Variants in CRYBG3 observed in about 807,000 individuals in gnomAD.
The protein encoded by CRYBG3 is very large A-kinase anchor protein.
In CRYBG3, 127 loss-of-function variants were observed where a neutral mutation model predicts 244.2. The observed-to-expected ratio is 0.52, with a 90% CI of 0.45 to 0.60. CRYBG3 has a LOEUF of 0.60. CRYBG3 is among the 20% of genes least tolerant of loss of function. The probability of loss-of-function intolerance (pLI) is 0.00; values close to 1 mark genes in which losing one functional copy is unlikely to be tolerated. For synonymous variants in CRYBG3, 1,132 were observed against 1,195.8 expected (o/e 0.95, Z 1.10); for missense variants, 3,325 against 3,442.5 (o/e 0.97, Z 0.85).
In CRYBG3 at chr3:97,873,576, G is replaced by A. The variant is rs1326316624; in HGVS notation, c.2382G>A (p.Met794Ile). 2.0e-5 allele frequency: 31 copies of A among 1,535,294 alleles called. No homozygotes were observed. Among genetic ancestry groups the A allele is most frequent in the Non-Finnish European group, 2.4e-5 (28 of 1,146,650 alleles). ...ELVSSNTKAN[M>I]SIIEKSDSLS... ...TGTCTTCAAACACTAAAGCAAATAT[G>A]AGCATAATAGAGAAGTCTGATTCTC... is the stretch of plus-strand genomic sequence containing the variant. The change falls in exon 4 of 22, where the codon ATG becomes ATA. Residue 794 changes from methionine to isoleucine, a missense_variant. Met to Ile is a conservative substitution (Grantham distance 10). Transcript: ENST00000389622.
In CRYBG3 at chr3:97,830,123, C is replaced by A. The variant is rs2038635415; in HGVS notation, c.149+7768C>A. On this transcript the variant is annotated intron_variant, in intron 1 of 21. Transcript: ENST00000389622. ...GAAGATTAAATAAACCTGTAGATTT[C>A]TATGAATATTTAGCTGTTGTTTTCT... 1.3e-5 allele frequency among the ~76,000 whole-genome samples: 2 copies of A among 152,132 alleles called. 1 individual carries two copies. Among genetic ancestry groups the A allele is most frequent in the Admixed American group, 1.3e-4 (2 of 15,276 alleles).
At chr3:97,942,470 G>A (rs775068378) in intron 21 of CRYBG3, 27 bp downstream of exon 21, 3 of 1,581,610 alleles carry the variant, frequency 1.9e-6, no homozygotes, top group Non-Finnish European at 2.6e-6. Flanking sequence ...ACCCAATGTT[G>A]TGTCCCTGGA....
At chr3:97,904,782 C>CAA (rs2039748262) in intron 15 of CRYBG3, among the ~76,000 whole-genome samples, 1 of 147,312 alleles carries the variant, frequency 6.8e-6, no homozygotes, top group Non-Finnish European at 1.5e-5. Context: ...TACATGTGCA[C>CAA]CTTGTGCAGG....
intron 17 of CRYBG3, among the ~76,000 whole-genome samples, chr3:97,922,297 A>C (rs960591398): frequency 6.6e-6 from 1 of 152,228 alleles, no homozygotes; most frequent in African/African-American, 2.4e-5. Flanking sequence ...TCATGACTAA[A>C]ACACCAAAAG....
At chr3:97,882,910 A>G (rs1419463428) in intron 7 of CRYBG3, among the ~76,000 whole-genome samples, 2 of 152,216 alleles carry the variant, frequency 1.3e-5, no homozygotes, top group African/African-American at 2.4e-5. Flanking sequence ...TTGAGCCAAT[A>G]CTGTGGTGTG....
Position 97,873,163 on chromosome 3 carries a change from C to T in CRYBG3, c.1969C>T (p.Pro657Ser). Residue 657 changes from proline to serine, a missense_variant, in exon 4 of 22, where the codon CCT becomes TCT. This residue lies in a region of CRYBG3 where 1,526 missense variants were observed against 1,443.2 expected (regional missense o/e 1.06). Transcript: ENST00000389622. ...AAAACTAAATTTCAGTATTTCACCT[C>T]CTACCTTTGTTTCTGGAGTTGGGAT... ...CKKLNFSISP[P>S]TFVSGVGMLS... The T allele has an allele frequency of 5.2e-6, 8 of 1,535,870 alleles. No individual in the cohort carries two copies. The highest frequency in any genetic ancestry group is 7.0e-6 in the Non-Finnish European group (8 of 1,146,772).
chr3:97,895,875 T>G, intron 11 of CRYBG3, 84 bp from the exon 12 acceptor site: 456 of 1,273,214 alleles, frequency 3.6e-4, no homozygotes, highest in Non-Finnish European at 4.7e-4. Context: ...TGAACCACTA[T>G]GAGCTTTATC....
At chr3:97,850,529 A>G (rs1294612629) in intron 2 of CRYBG3, among the ~76,000 whole-genome samples, 2 of 152,218 alleles carry the variant, frequency 1.3e-5, no homozygotes, top group African/African-American at 4.8e-5. Context: ...AGAACTGATC[A>G]TAACACTGAT....
chr3:97,875,509 A>G lies in CRYBG3; in HGVS notation c.4315A>G (p.Arg1439Gly), dbSNP rs2039360569. Residue 1439 changes from arginine (R) to glycine (G), a missense_variant, in exon 4 of 22, where the codon AGG becomes GGG. Coordinates refer to ENST00000389622, the MANE Select transcript of CRYBG3 (RefSeq NM_153605.4). ...EDMSHKRLDD[R>G]VKTHLFRSED... ...CATGTCACATAAACGGTTAGATGAT[A>G]GGGTAAAAACACATTTATTTCGCAG... is the stretch of plus-strand genomic sequence containing the variant. 7 of 1,282,974 alleles carry G rather than the reference A, an allele frequency of 5.5e-6. No homozygotes were observed. Among genetic ancestry groups the G allele is most frequent in the Non-Finnish European group, 4.9e-6 (5 of 1,020,604 alleles). The allele number at this position is 1,282,974 out of a possible 1,614,324, so 79.5% of individuals were successfully genotyped here.
rs192200322 is a variant in CRYBG3 at position 97,880,121 on chromosome 3, T to C, written c.7004+21T>C. On this transcript the variant is annotated intron_variant, in intron 6 of 21. Coordinates refer to ENST00000389622, the MANE Select transcript of CRYBG3 (RefSeq NM_153605.4). ...GGCTGGTAAGAAGTTTCTTAAAATT[T>C]TATAGCATATTTTCTTAAATTAAAT... 5.9e-4 allele frequency: 727 copies of C among 1,237,692 alleles called. 11 individuals carry two copies. In the East Asian group the frequency reaches 0.013, roughly 22 times the overall value. 76.7% of individuals were successfully genotyped at this position (1,237,692 alleles called of 1,614,324 possible).
intron 7 of CRYBG3, among the ~76,000 whole-genome samples, chr3:97,886,311 A>G (rs1026353969): frequency 3.9e-5 from 6 of 152,192 alleles, no homozygotes; most frequent in Non-Finnish European, 7.3e-5. Context: ...TGGCACTCAA[A>G]TAGTTTGGTA....
chr3:97,927,964 C>A (rs1302938497), intron 17 of CRYBG3, among the ~76,000 whole-genome samples: 1 of 151,978 alleles, frequency 6.6e-6, no homozygotes, highest in Non-Finnish European at 1.5e-5. Context: ...TAGGAATGTG[C>A]ATTAGTTCAT....
rs831888 is a variant in CRYBG3 at position 97,909,870 on chromosome 3, T to C, written c.8005-2297T>C. The stretch of plus-strand genomic sequence containing the variant: ...TTTTCTGTTCTGTTTTTTCCCCATC[T>C]TTGTGGTTTTATCTACTTTTGGTCT... On this transcript the variant is annotated intron_variant, in intron 15 of 21. Transcript: ENST00000389622. Among the ~76,000 whole-genome samples, 1,253 of 146,304 alleles carry C rather than the reference T, an allele frequency of 8.6e-3. 14 individuals carry two copies. The highest frequency in any genetic ancestry group is 0.025 in the African/African-American group (989 of 39,542).
chr3:97,923,961 A>C (rs1038570038), intron 17 of CRYBG3, among the ~76,000 whole-genome samples: 2 of 152,092 alleles, frequency 1.3e-5, no homozygotes, highest in African/African-American at 4.8e-5. Flanking sequence ...TTATCCTATG[A>C]TTAATTTGGA....
Position 97,872,344 on chromosome 3 carries a change from T to G in CRYBG3, c.1150T>G (p.Leu384Val). 2 of 1,535,976 alleles carry G rather than the reference T, an allele frequency of 1.3e-6. No individual in the cohort carries two copies. Among genetic ancestry groups the G allele is most frequent in the Non-Finnish European group, 1.7e-6 (2 of 1,146,830 alleles). ...TNRNLVCSAL[L>V]TGSNHRKVPC... Reference sequence around the variant, plus strand: ...CAGAAATTTGGTATGTTCAGCATTGTTAACAGGAAGTAACCATCGCAAAGT... The same window carrying G: ...CAGAAATTTGGTATGTTCAGCATTGGTAACAGGAAGTAACCATCGCAAAGT... The change falls in exon 4 of 22, where the codon TTA becomes GTA. Residue 384 changes from leucine to valine, a missense_variant. Around this residue, in one of 4 missense-constraint regions of CRYBG3, gnomAD observed 1,526 missense variants for 1,443.2 expected, o/e 1.06. Coordinates refer to ENST00000389622, the MANE Select transcript of CRYBG3 (RefSeq NM_153605.4).
chr3:97,876,455 AGG>A lies in CRYBG3; in HGVS notation c.5262_5263del (p.Glu1754AspfsTer24). 1.6e-6 allele frequency: 2 copies of A among 1,232,130 alleles called. No individual in the cohort carries two copies. Among genetic ancestry groups the A allele is most frequent in the Non-Finnish European group, 2.0e-6 (2 of 987,968 alleles). 76.3% of individuals were successfully genotyped at this position (1,232,130 alleles called of 1,614,324 possible). On this transcript the variant is annotated frameshift_variant, in exon 4 of 22. Transcript: ENST00000389622. LOFTEE classifies it high-confidence loss of function. ...ACTGAAAGAGACGGTGGCAAAACTG[AGG>A]TGATGCCCCTTGCATTAGAGGTAGT... is the stretch of plus-strand genomic sequence containing the variant.
intron 10 of CRYBG3, among the ~76,000 whole-genome samples, chr3:97,891,270 A>G (rs1323290570): frequency 6.6e-6 from 1 of 152,186 alleles, no homozygotes; most frequent in East Asian, 1.9e-4. Context: ...AGAATCAGTT[A>G]GTTATAAGGC....
At position 97,915,472 on chromosome 3, in the gene CRYBG3, GT is replaced by G. The variant is rs762430014; in HGVS notation, c.8115-131del. 1.2e-5 allele frequency: 9 copies of G among 752,266 alleles called. No individual in the cohort carries two copies. The East Asian group carries it at 2.5e-4, about 21-fold the overall frequency. 46.6% of individuals were successfully genotyped at this position (752,266 alleles called of 1,614,324 possible). The stretch of plus-strand genomic sequence containing the variant: ...GATAGTGGTAGCTGTTGTGTTTTTT[GT>G]TTTTTTAAAGCTGGTGTGGTGGTGC... On this transcript the variant is annotated intron_variant, in intron 16 of 21. Transcript: ENST00000389622.
intron 17 of CRYBG3, chr3:97,933,448 G>T (rs1308837761): frequency 1.7e-5 from 9 of 541,368 alleles, no homozygotes; most frequent in Non-Finnish European, 2.7e-5. Flanking sequence ...CTTTATTATG[G>T]CTGTTTTTAT....
Sources: allele counts gnomAD v4.1 joint callset (sites outside exome capture counted in the v4.1 genomes callset), GRCh38; gene constraint gnomAD v4.1.1; regional missense constraint gnomAD v4.1.1; transcripts MANE v1.5; gene names NCBI Gene and HGNC (gene_info 2026-07-23, HGNC 2026-07-21).